Variants in CLDN10 observed in about 807,000 individuals in gnomAD.
CLDN10 encodes the protein claudin-10.
Under a neutral mutation model 22.9 loss-of-function variants are expected in CLDN10, and 15 were observed. The observed-to-expected ratio is 0.65, with a 90% CI of 0.44 to 1.01. The LOEUF is 1.01. Ranked by LOEUF, CLDN10 falls within the 50% of genes least tolerant of loss-of-function variation. The pLI, the probability that CLDN10 is intolerant of heterozygous loss-of-function variation, is 0.00. For missense variants in CLDN10, 247 were observed against 287.8 expected (o/e 0.86, Z 1.03); for synonymous variants, 114 against 111.4 (o/e 1.02, Z -0.15).
chr13:95,564,127 G>A (rs554721665), intron 3 of CLDN10, among the ~76,000 whole-genome samples: 79 of 152,316 alleles, frequency 5.2e-4, no homozygotes, highest in African/African-American at 1.8e-3. Flanking sequence ...TGCCACTATA[G>A]GAATGTTCTA....
intron 1 of CLDN10, among the ~76,000 whole-genome samples, chr13:95,434,922 C>T (rs1021848250): frequency 2.0e-5 from 3 of 151,876 alleles, no homozygotes; most frequent in Non-Finnish European, 4.4e-5. Flanking sequence ...AAACAAAAAA[C>T]CATATTGAAT....
At chr13:95,434,018 G>A (rs1258819379) in exon 1 of CLDN10, 1 of 1,614,116 alleles carries the variant, frequency 6.2e-7, no homozygotes, top group Admixed American at 1.7e-5. Context: ...TTCCATTGCC[G>A]ACCGCATTTT....
chr13:95,500,725 A>C (rs866597373), intron 1 of CLDN10, among the ~76,000 whole-genome samples: 1 of 152,196 alleles, frequency 6.6e-6, no homozygotes, highest in South Asian at 2.1e-4. Flanking sequence ...GGGTTGGGGC[A>C]AGCCTTTGAG....
chr13:95,458,380 A>G (rs905133183), intron 1 of CLDN10, among the ~76,000 whole-genome samples: 6 of 152,146 alleles, frequency 3.9e-5, no homozygotes, highest in Non-Finnish European at 7.3e-5. Flanking sequence ...TCACATTGCT[A>G]TAAGGAAATA....
rs17268449 is a variant in CLDN10, at chr13:95,475,774, G to T, written c.214+41727G>T. On this transcript the variant is annotated intron_variant, in intron 1 of 4. Transcript: ENST00000376873. ...GATCCCAAGCCCACCTGCATGGGTC[G>T]AGGGTCCCTGCATCTCTCTCTCTCT... 1.7e-3 allele frequency among the ~76,000 whole-genome samples: 263 copies of T among 151,826 alleles called. 7 individuals carry two copies. The South Asian group carries it at 0.029, about 17-fold the overall frequency.
intron 1 of CLDN10, among the ~76,000 whole-genome samples, chr13:95,509,492 A>G (rs2043073316): frequency 6.6e-6 from 1 of 152,230 alleles, no homozygotes; most frequent in Non-Finnish European, 1.5e-5. Flanking sequence ...CAGTACCTGC[A>G]GGCAGTGCGA....
At chr13:95,556,143 T>G (rs1023711427) in intron 1 of CLDN10, among the ~76,000 whole-genome samples, 1 of 151,978 alleles carries the variant, frequency 6.6e-6, no homozygotes, top group Non-Finnish European at 1.5e-5. Context: ...CCTCCCGGGT[T>G]CAAGCAATTC....
chr13:95,489,909 G>A lies in CLDN10; in HGVS notation c.214+55862G>A, dbSNP rs142191270. Among the ~76,000 whole-genome samples the A allele has an allele frequency of 6.9e-3, 1,052 of 152,260 alleles. 13 individuals are homozygous for A. The highest frequency in any genetic ancestry group is 0.024 in the African/African-American group (1,008 of 41,538). On this transcript the variant is annotated intron_variant, in intron 1 of 4. Transcript: ENST00000376873. ...GATTTTTGTTTAAGGTGAGAGATGA[G>A]GATCCAGTTTCATTTTCCTACATGT...
At chr13:95,531,825 G>A (rs376325209) in intron 1 of CLDN10, among the ~76,000 whole-genome samples, 23 of 151,694 alleles carry the variant, frequency 1.5e-4, no homozygotes, top group Middle Eastern at 3.4e-3. Flanking sequence ...ATAAGCCACC[G>A]CTCCCGGCTA....
chr13:95,446,175 T>C (rs542839985), intron 1 of CLDN10, among the ~76,000 whole-genome samples: 1 of 152,164 alleles, frequency 6.6e-6, no homozygotes, highest in African/African-American at 2.4e-5. Flanking sequence ...CACAGAGACC[T>C]GGCTAGAAGT....
At chr13:95,567,452 G>C (rs933501216) in intron 3 of CLDN10, among the ~76,000 whole-genome samples, 3 of 152,176 alleles carry the variant, frequency 2.0e-5, no homozygotes, top group Non-Finnish European at 2.9e-5. Flanking sequence ...GAATGCTTGT[G>C]ATTTTTGCAC....
At chr13:95,549,350 A>G (rs866124490), upstream of CLDN10, among the ~76,000 whole-genome samples, 17 of 152,334 alleles carry the variant, frequency 1.1e-4, no homozygotes, top group African/African-American at 4.1e-4. Context: ...AGTCGAAAGT[A>G]CTCTGTAAAT....
chr13:95,492,542 T>C (rs1323725912), intron 1 of CLDN10, among the ~76,000 whole-genome samples: 1 of 152,126 alleles, frequency 6.6e-6, no homozygotes, highest in Non-Finnish European at 1.5e-5. Context: ...CGAGTCTGTT[T>C]CCTGGTGGAG....
chr13:95,506,325 A>G (rs2043038394), intron 1 of CLDN10, among the ~76,000 whole-genome samples: 1 of 152,192 alleles, frequency 6.6e-6, no homozygotes, highest in African/African-American at 2.4e-5. Flanking sequence ...CTGAACTATG[A>G]TGGAGTTTTC....
At chr13:95,560,093 C>T in intron 1 of CLDN10, 39 bp from the exon 2 acceptor site, 3 of 1,559,534 alleles carry the variant, frequency 1.9e-6, no homozygotes, top group Non-Finnish European at 2.6e-6. Context: ...TGGACAGCCA[C>T]ATGCTTTATG....
At chr13:95,476,530 C>A (rs968652578) in intron 1 of CLDN10, among the ~76,000 whole-genome samples, 16 of 152,150 alleles carry the variant, frequency 1.1e-4, no homozygotes, top group African/African-American at 3.1e-4. Context: ...CCAACGCCAT[C>A]ACCTTGGGCA....
upstream of CLDN10, among the ~76,000 whole-genome samples, chr13:95,549,474 C>G (rs111865447): frequency 2.6e-3 from 392 of 152,246 alleles, 2 homozygotes; most frequent in African/African-American, 8.9e-3. Context: ...TTTTTATTTT[C>G]TGGACATTCT....
chr13:95,463,185 C>A (rs1269111408), intron 1 of CLDN10, among the ~76,000 whole-genome samples: 1 of 150,164 alleles, frequency 6.7e-6, no homozygotes, highest in Non-Finnish European at 1.5e-5. Flanking sequence ...CAATATCTAA[C>A]TATCTACCTA....
At chr13:95,456,212 A>G (rs1250384466) in intron 1 of CLDN10, among the ~76,000 whole-genome samples, 1 of 152,200 alleles carries the variant, frequency 6.6e-6, no homozygotes, top group Non-Finnish European at 1.5e-5. Flanking sequence ...TACACTTGCT[A>G]TCTGCACATC....
Sources: allele counts gnomAD v4.1 joint callset (sites outside exome capture counted in the v4.1 genomes callset), GRCh38; gene constraint gnomAD v4.1.1; transcripts MANE v1.5; gene names NCBI Gene and HGNC (gene_info 2026-07-23, HGNC 2026-07-21).